The following PTGIS variants were observed in gnomAD, a reference collection of about 807,000 sequenced individuals.
PTGIS encodes the protein prostaglandin I2 synthase, also known as prostacyclin synthase.
A neutral mutation model predicts 50.3 loss-of-function variants in PTGIS; 45 were observed. That is an observed-to-expected ratio of 0.90 (90% CI 0.70 to 1.15). PTGIS has a LOEUF of 1.15. Ranked by LOEUF, PTGIS falls within the 50% of genes most tolerant of loss-of-function variation. The pLI is 0.00. For synonymous variants in PTGIS, 260 were observed against 267.7 expected (o/e 0.97, Z 0.28); for missense variants, 668 against 661.3 (o/e 1.01, Z -0.11).
chr20:49,555,002 G>C (rs140805012), intron 1 of PTGIS, among the ~76,000 whole-genome samples: 1,648 of 152,270 alleles, frequency 0.011, 28 homozygotes, highest in African/African-American at 0.038. Flanking sequence ...CAGGTGTGGT[G>C]GCTCATGCCT....
chr20:49,507,014 T>C lies in PTGIS; in HGVS notation c.*906A>G, dbSNP rs959859200. 6.6e-6 allele frequency: 1 copy of C among 152,170 alleles called. No homozygotes were observed. The highest frequency in any genetic ancestry group is 1.5e-5 in the Non-Finnish European group (1 of 68,048). The allele number at this position is 152,170 out of a possible 1,614,324, so 9.4% of individuals were successfully genotyped here. On this transcript the variant is annotated 3_prime_UTR_variant, in exon 10 of 10. Coordinates refer to ENST00000244043, the MANE Select transcript of PTGIS (RefSeq NM_000961.4). ...GAACTCTCCCAAAGATGATAACAAC[T>C]AAGGCATTTTTTTAAGTGAAGTCCA...
At position 49,506,062 on chromosome 20, in the gene PTGIS, C is replaced by G. The variant is rs2057194461; in HGVS notation, c.*1858G>C. On this transcript the variant is annotated 3_prime_UTR_variant, in exon 10 of 10. Coordinates refer to ENST00000244043, the MANE Select transcript of PTGIS (RefSeq NM_000961.4). ...AAGTCGAGAAGAATTGTCCCATCACCAGTCCCCTTGAGCCCAAAGAACAGG... is the reference window on the plus strand; with the variant it reads ...AAGTCGAGAAGAATTGTCCCATCACGAGTCCCCTTGAGCCCAAAGAACAGG... 6.5e-6 allele frequency: 1 copy of G among 152,768 alleles called. No individual in the cohort carries two copies. The highest frequency in any genetic ancestry group is 1.5e-5 in the Non-Finnish European group (1 of 68,122). 9.5% of individuals were successfully genotyped at this position (152,768 alleles called of 1,614,324 possible).
Position 49,504,529 on chromosome 20 carries a change from A to G in PTGIS, c.*3391T>C, listed in dbSNP as rs563026471. 1.6e-4 allele frequency: 24 copies of G among 152,094 alleles called. No individual in the cohort carries two copies. The highest frequency in any genetic ancestry group is 5.5e-4 in the African/African-American group (23 of 41,494). The allele number at this position is 152,094 out of a possible 1,614,324, so 9.4% of individuals were successfully genotyped here. Reference sequence around the variant, plus strand: ...ACCAACATGGGGAAACCCCGTCTCTACTAAAAATACAAAAATCAGTTGGGC... The same window carrying G: ...ACCAACATGGGGAAACCCCGTCTCTGCTAAAAATACAAAAATCAGTTGGGC... On this transcript the variant is annotated 3_prime_UTR_variant, in exon 10 of 10. Coordinates refer to ENST00000244043, the MANE Select transcript of PTGIS (RefSeq NM_000961.4).
intron 5 of PTGIS, among the ~76,000 whole-genome samples, chr20:49,528,129 T>C (rs1249357194): frequency 6.6e-6 from 1 of 151,928 alleles, no homozygotes; most frequent in Non-Finnish European, 1.5e-5. Context: ...GACAGAGTGA[T>C]ACTCAAAATA....
chr20:49,550,314 T>C (rs1283782667), intron 1 of PTGIS, 125 bp from the exon 2 acceptor site: 3 of 1,259,520 alleles, frequency 2.4e-6, no homozygotes, highest in Non-Finnish European at 3.4e-6. Flanking sequence ...ACTCGGGGAC[T>C]ATTGCCTCAC....
rs761253785 is a variant in PTGIS at position 49,550,136 on chromosome 20, G to T, written c.128C>A (p.Ala43Asp). Residue 43 changes from alanine (A) to aspartate (D), a missense_variant, in exon 2 of 10, where the codon GCC becomes GAC. Ala to Asp is a moderately radical substitution (Grantham distance 126, BLOSUM62 -2). Coordinates refer to ENST00000244043, the MANE Select transcript of PTGIS (RefSeq NM_000961.4). The stretch of plus-strand genomic sequence containing the variant: ...GGCAGCATCTTTTCCAAAGTCCAAG[G>T]CATACCCCAACCAGGGGATGCTGCC... ...DLGSIPWLGY[A>D]LDFGKDAASF... 6.8e-6 allele frequency: 11 copies of T among 1,614,090 alleles called. No individual in the cohort carries two copies. Among genetic ancestry groups the T allele is most frequent in the Non-Finnish European group, 9.3e-6 (11 of 1,180,028 alleles).
Position 49,513,152 on chromosome 20 carries a change from T to C in PTGIS, c.1134A>G (p.Arg378=), listed in dbSNP as rs757636086. The C allele has an allele frequency of 4.3e-6, 7 of 1,614,144 alleles. No homozygotes were observed. In the Admixed American group the frequency reaches 1.2e-4, roughly 27 times the overall value. Residue 378 remains arginine, a synonymous_variant, in exon 8 of 10, where the codon CGA becomes CGG. Coordinates refer to ENST00000244043, the MANE Select transcript of PTGIS (RefSeq NM_000961.4). ...PMADGREFNL[R]RGDRLLLFPF... The stretch of plus-strand genomic sequence containing the variant: ...GGAAGAGGAGGAGGCGGTCACCACG[T>C]CGCAGGTTGAATTCTCGCCCGTCTG...
In PTGIS at chr20:49,507,506, G is replaced by A. The variant is rs565707000; in HGVS notation, c.*414C>T. On this transcript the variant is annotated 3_prime_UTR_variant, in exon 10 of 10. Transcript: ENST00000244043. ...AGGACATCCTGAGTGGCCTTTCTGT[G>A]GCCAGCATCCGCTTTGACTGGATAA... is the stretch of plus-strand genomic sequence containing the variant. The A allele has an allele frequency of 9.6e-6, 3 of 313,260 alleles. No individual in the cohort carries two copies. The highest frequency in any genetic ancestry group is 8.9e-5 in the Admixed American group (2 of 22,504). 19.4% of individuals were successfully genotyped at this position (313,260 alleles called of 1,614,324 possible). A position where few individuals can be genotyped will look rare whatever the true frequency, so the allele number is the denominator to read the frequency against.
intron 1 of PTGIS, among the ~76,000 whole-genome samples, chr20:49,567,797 C>T (rs1348751023): frequency 1.3e-5 from 2 of 152,210 alleles, no homozygotes; most frequent in East Asian, 3.9e-4. Flanking sequence ...GTGGGCGATT[C>T]GCCCCGGGGG....
At chr20:49,539,447 T>C in intron 5 of PTGIS, 123 bp downstream of exon 5, 1 of 1,178,022 alleles carries the variant, frequency 8.5e-7, no homozygotes, top group Non-Finnish European at 1.2e-6. Context: ...GGGATCTTAC[T>C]GCCTCCCTGG....
At chr20:49,551,040 C>T (rs1251584769) in intron 1 of PTGIS, among the ~76,000 whole-genome samples, 1 of 152,090 alleles carries the variant, frequency 6.6e-6, no homozygotes, top group Non-Finnish European at 1.5e-5. Context: ...GTCATCTCTA[C>T]TGAAAATACA....
intron 6 of PTGIS, among the ~76,000 whole-genome samples, chr20:49,518,317 G>A (rs983550238): frequency 1.3e-5 from 2 of 152,210 alleles, no homozygotes; most frequent in African/African-American, 4.8e-5. Flanking sequence ...GGGGCTAAGG[G>A]AGATCCCTGC....
chr20:49,518,760 G>A (rs543476579), intron 6 of PTGIS, among the ~76,000 whole-genome samples: 39 of 152,274 alleles, frequency 2.6e-4, no homozygotes, highest in Admixed American at 2.5e-3. Flanking sequence ...AGTGGCAGAG[G>A]TGAGATTCCA....
At chr20:49,514,106 G>A in intron 7 of PTGIS, 121 bp downstream of exon 7, 1 of 1,202,350 alleles carries the variant, frequency 8.3e-7, no homozygotes, top group South Asian at 1.3e-5. Flanking sequence ...GGCTTAGGGA[G>A]ACCCTAGGTC....
chr20:49,539,887 C>A (rs530413977), intron 4 of PTGIS, among the ~76,000 whole-genome samples, 166 bp from the exon 5 acceptor site: 11 of 152,334 alleles, frequency 7.2e-5, no homozygotes, highest in African/African-American at 2.2e-4. Flanking sequence ...AAACAAAAAT[C>A]CCTGTCCTCA....
rs58986753 is a variant in PTGIS at position 49,538,256 on chromosome 20, GAAAAAAAAAAA to G, written c.673+1303_673+1313del. 1.3e-3 allele frequency among the ~76,000 whole-genome samples: 39 copies of G among 30,290 alleles called. 1 individual carries two copies. The highest frequency in any genetic ancestry group is 1.8e-3 in the Admixed American group (4 of 2,170). The allele number at this position is 30,290 out of a possible 152,430, so 19.9% of individuals were successfully genotyped here. On this transcript the variant is annotated intron_variant, in intron 5 of 9. Coordinates refer to ENST00000244043, the MANE Select transcript of PTGIS (RefSeq NM_000961.4). ...GGTGACAGAGTGAGACCCTGGTTCA[GAAAAAAAAAAA>G]AAAAAAAAAAAAAAAAAAAGGCATG...
chr20:49,525,583 CTTTT>C (rs66940862), intron 5 of PTGIS, among the ~76,000 whole-genome samples: 2 of 145,540 alleles, frequency 1.4e-5, no homozygotes, highest in South Asian at 2.2e-4. Context: ...TTTTCTACTT[CTTTT>C]TTTTTTTTTA....
At chr20:49,515,740 A>T (rs1981456571) in intron 6 of PTGIS, among the ~76,000 whole-genome samples, 1 of 152,254 alleles carries the variant, frequency 6.6e-6, no homozygotes, top group South Asian at 2.1e-4. Flanking sequence ...AGTCATTAAA[A>T]AGAAGCTGGC....
rs151196959 is a variant in PTGIS, at chr20:49,524,194, A to T, written c.719T>A (p.Leu240Gln). ...MCSVKSRLWK[L>Q]LSPARLARRA... is the part of the protein sequence containing the mutation. The stretch of plus-strand genomic sequence containing the variant: ...CCTGGCCAGCCTGGCTGGGGATAGC[A>T]GCTTCCACAGGCGACTTTTGACACT... Residue 240 changes from leucine to glutamine, a missense_variant, in exon 6 of 10, where the codon CTG (leucine) becomes CAG (glutamine). By Grantham distance (113) the Leu-to-Gln change is moderately radical. Coordinates refer to ENST00000244043, the MANE Select transcript of PTGIS (RefSeq NM_000961.4). The T allele has an allele frequency of 1.7e-5, 27 of 1,614,090 alleles. No homozygotes were observed. The highest frequency in any genetic ancestry group is 2.1e-5 in the Non-Finnish European group (25 of 1,180,040).
Sources: allele counts gnomAD v4.1 joint callset (sites outside exome capture counted in the v4.1 genomes callset), GRCh38; gene constraint gnomAD v4.1.1; transcripts MANE v1.5; gene names NCBI Gene and HGNC (gene_info 2026-07-23, HGNC 2026-07-21).